ACSS1: variants seen among roughly 807,000 people sequenced by gnomAD.
ACSS1 encodes the protein acyl-CoA synthetase short chain family member 1.
ACSS1 carries 42 observed loss-of-function variants against 75.3 expected under a neutral mutation model. That is an observed-to-expected ratio of 0.56 (90% confidence interval 0.44 to 0.72). The LOEUF is 0.72. ACSS1 is among the 30% of genes least tolerant of loss of function. ACSS1 has a pLI of 0.00. For missense variants in ACSS1, 782 were observed against 935.7 expected (o/e 0.84, Z 2.14); for synonymous variants, 380 against 376.8 (o/e 1.01, Z -0.10).
At chr20:25,014,802 C>T (rs61040777) in intron 8 of ACSS1, among the ~76,000 whole-genome samples, 14,805 of 152,242 alleles carry the variant, frequency 0.097, 805 homozygotes, top group Middle Eastern at 0.12. Flanking sequence ...GGAAGGGACA[C>T]GGCCCCTGAG....
intron 5 of ACSS1, among the ~76,000 whole-genome samples, chr20:25,022,390 CAAAAG>C (rs72142497): frequency 0.036 from 5,400 of 148,696 alleles, 154 homozygotes; most frequent in African/African-American, 0.079. Context: ...CAAAACAAAA[CAAAAG>C]AAAAAACAAT....
At chr20:25,039,114 T>C (rs2088961532) in intron 2 of ACSS1, among the ~76,000 whole-genome samples, 1 of 152,134 alleles carries the variant, frequency 6.6e-6, no homozygotes, top group Non-Finnish European at 1.5e-5. Context: ...ACAGAGCAGG[T>C]TCCCATGGAG....
intron 1 of ACSS1, among the ~76,000 whole-genome samples, chr20:25,048,545 G>A (rs537776747): frequency 2.0e-5 from 3 of 152,278 alleles, no homozygotes; most frequent in Admixed American, 6.5e-5. Context: ...GCCAGGGCTG[G>A]GCACTGCAGC....
chr20:25,032,362 A>G (rs2088840796), intron 2 of ACSS1: 2 of 1,351,264 alleles, frequency 1.5e-6, no homozygotes, highest in Admixed American at 3.2e-5. Flanking sequence ...GAGAGCCGCC[A>G]ACTTGCCGGC....
intron 2 of ACSS1, among the ~76,000 whole-genome samples, chr20:25,041,025 A>G (rs535654031): frequency 1.3e-4 from 20 of 152,308 alleles, no homozygotes; most frequent in South Asian, 2.1e-4. Flanking sequence ...TTGGGAGGCC[A>G]AGGCGGGTGG....
intron 1 of ACSS1, among the ~76,000 whole-genome samples, chr20:25,049,822 A>G (rs1286673290): frequency 6.6e-6 from 1 of 151,944 alleles, no homozygotes; most frequent in Non-Finnish European, 1.5e-5. Context: ...TTGGCTCCAC[A>G]GTCTGTCCCA....
chr20:25,052,563 C>T (rs1259843892), intron 1 of ACSS1, among the ~76,000 whole-genome samples: 1 of 152,262 alleles, frequency 6.6e-6, no homozygotes, highest in African/African-American at 2.4e-5. Flanking sequence ...AATTCCCCTC[C>T]CACCTCAGTG....
chr20:25,049,530 C>T (rs188711744), intron 1 of ACSS1, among the ~76,000 whole-genome samples: 34 of 152,252 alleles, frequency 2.2e-4, no homozygotes, highest in Admixed American at 1.3e-3. Flanking sequence ...CAGATGCAAA[C>T]GTAAGAAACA....
At chr20:25,031,701 C>G (rs945635547) in intron 2 of ACSS1, among the ~76,000 whole-genome samples, 1 of 152,212 alleles carries the variant, frequency 6.6e-6, no homozygotes, top group East Asian at 1.9e-4. Flanking sequence ...TCCTTCCCGG[C>G]ATGATCCAAG....
At chr20:25,043,347 A>T (rs1336326213) in intron 2 of ACSS1, among the ~76,000 whole-genome samples, 1 of 152,164 alleles carries the variant, frequency 6.6e-6, no homozygotes, top group Non-Finnish European at 1.5e-5. Context: ...CAACAGAAAC[A>T]AGCCTCTCAG....
chr20:25,044,850 G>A (rs1208752539), intron 2 of ACSS1, among the ~76,000 whole-genome samples: 2 of 152,218 alleles, frequency 1.3e-5, no homozygotes, highest in African/African-American at 4.8e-5. Flanking sequence ...ATGGAGCTGG[G>A]ACCCTGGAGT....
intron 1 of ACSS1, among the ~76,000 whole-genome samples, chr20:25,050,102 C>T (rs2089155248): frequency 6.6e-6 from 1 of 152,128 alleles, no homozygotes; most frequent in African/African-American, 2.4e-5. Context: ...TACACGGGTA[C>T]AGCAGATATT....
intron 2 of ACSS1, among the ~76,000 whole-genome samples, chr20:25,038,590 A>G (rs2088952835): frequency 6.6e-6 from 1 of 152,168 alleles, no homozygotes; most frequent in Non-Finnish European, 1.5e-5. Flanking sequence ...TGGAAGCTGC[A>G]GTCTCCGTGT....
At chr20:25,046,274 T>G (rs995414434) in intron 2 of ACSS1, 1 of 153,752 alleles carries the variant, frequency 6.5e-6, no homozygotes, top group Non-Finnish European at 1.4e-5. Context: ...TAATAAGTAC[T>G]TTGCCAGGGC....
intron 1 of ACSS1, among the ~76,000 whole-genome samples, chr20:25,052,794 C>T (rs1457938434): frequency 3.3e-5 from 5 of 152,260 alleles, no homozygotes; most frequent in African/African-American, 1.2e-4. Flanking sequence ...ATCTCGCTCA[C>T]AGATGCCCAG....
intron 7 of ACSS1, among the ~76,000 whole-genome samples, chr20:25,017,511 G>C (rs957164380): frequency 2.6e-5 from 4 of 152,218 alleles, no homozygotes; most frequent in Non-Finnish European, 5.9e-5. Flanking sequence ...ACTGTATACC[G>C]AGAACAGAAC....
At position 25,057,990 on chromosome 20, in the gene ACSS1, G is replaced by T; in HGVS notation, c.113C>A (p.Ala38Asp). The T allele has an allele frequency of 1.3e-6, 2 of 1,513,566 alleles. No individual in the cohort carries two copies. Among genetic ancestry groups the T allele is most frequent in the African/African-American group, 1.4e-5 (1 of 69,916 alleles). 93.8% of individuals were successfully genotyped at this position (1,513,566 alleles called of 1,614,324 possible). The change falls in exon 1 of 14, where the codon GCC becomes GAC. Residue 38 changes from alanine (A) to aspartate (D), a missense_variant. Around this residue, in one of 2 missense-constraint regions of ACSS1, gnomAD observed 377 missense variants for 383.1 expected, o/e 0.98. Coordinates refer to ENST00000323482, the MANE Select transcript of ACSS1 (RefSeq NM_032501.4). The stretch of plus-strand genomic sequence containing the variant: ...GGGAGCGCTGCCCGAGGGTCCCGAG[G>T]CCGCCCTGCGCGGCGCGCTCACCCC... ...PCGVSAPRRAASGPSGSAPAV... is the reference protein window; with the variant it reads ...PCGVSAPRRADSGPSGSAPAV...
At chr20:25,030,672 T>C in intron 3 of ACSS1, 87 bp downstream of exon 3, 3 of 1,447,124 alleles carry the variant, frequency 2.1e-6, no homozygotes, top group Non-Finnish European at 2.9e-6. Flanking sequence ...GTCTGCACTC[T>C]GATGGTCTCT....
At position 25,047,825 on chromosome 20, in the gene ACSS1, CA is replaced by C. The variant is rs1223252127; in HGVS notation, c.431+259del. ...GAGACTAAAAAGATCAGCTTAAAAA[CA>C]AAACAACTCTACTAAAGATGATTTT... On this transcript the variant is annotated intron_variant, in intron 2 of 13. Coordinates refer to ENST00000323482, the MANE Select transcript of ACSS1 (RefSeq NM_032501.4). 2.0e-3 allele frequency among the ~76,000 whole-genome samples: 280 copies of C among 138,132 alleles called. 1 individual carries two copies. Among genetic ancestry groups the C allele is most frequent in the African/African-American group, 9.4e-3 (270 of 28,604 alleles). 90.6% of individuals were successfully genotyped at this position (138,132 alleles called of 152,430 possible).
Sources: allele counts gnomAD v4.1 joint callset (sites outside exome capture counted in the v4.1 genomes callset), GRCh38; gene constraint gnomAD v4.1.1; regional missense constraint gnomAD v4.1.1; transcripts MANE v1.5; gene names NCBI Gene and HGNC (gene_info 2026-07-23, HGNC 2026-07-21).